The following RIMS2 variants were observed in gnomAD, a reference collection of about 807,000 sequenced individuals.
RIMS2 encodes the protein regulating synaptic membrane exocytosis protein 2.
RIMS2 carries 59 observed loss-of-function variants against 174.4 expected under a neutral mutation model. The observed-to-expected ratio is 0.34, with a 90% CI of 0.27 to 0.42. The LOEUF (loss-of-function observed/expected upper bound fraction) is 0.42, where lower values mean the gene tolerates loss of function less well. Ranked by LOEUF, RIMS2 falls within the 10% of genes least tolerant of loss-of-function variation. The probability of loss-of-function intolerance (pLI) is 1.00; values close to 1 mark genes in which losing one functional copy is unlikely to be tolerated. For synonymous variants in RIMS2, 606 were observed against 572.5 expected (o/e 1.06, Z -0.84); for missense variants, 1,620 against 1,666.3 (o/e 0.97, Z 0.48).
intron 15 of RIMS2, among the ~76,000 whole-genome samples, chr8:103,962,446 A>C (rs1225957893): frequency 6.6e-6 from 1 of 152,122 alleles, no homozygotes; most frequent in Non-Finnish European, 1.5e-5. Flanking sequence ...ATTCTTTCCT[A>C]TCTGGACATT....
At chr8:103,662,894 G>A (rs1020089038) in intron 1 of RIMS2, among the ~76,000 whole-genome samples, 6 of 152,164 alleles carry the variant, frequency 3.9e-5, no homozygotes, top group Non-Finnish European at 7.3e-5. Context: ...GAGCAGGCCA[G>A]GCACAGTTGC....
intron 2 of RIMS2, among the ~76,000 whole-genome samples, chr8:103,754,451 G>C (rs2097948515): frequency 6.6e-6 from 1 of 152,130 alleles, no homozygotes; most frequent in Admixed American, 6.5e-5. Flanking sequence ...AAGTCCGCTT[G>C]GTGCAGAGCT....
At chr8:103,750,950 G>T (rs2097881481) in intron 2 of RIMS2, among the ~76,000 whole-genome samples, 1 of 152,118 alleles carries the variant, frequency 6.6e-6, no homozygotes, top group African/African-American at 2.4e-5. Context: ...ATTGAATCAT[G>T]GGGGCAGGTC....
At chr8:103,516,536 A>G (rs1486066447) in intron 1 of RIMS2, among the ~76,000 whole-genome samples, 3 of 152,148 alleles carry the variant, frequency 2.0e-5, no homozygotes, top group Non-Finnish European at 4.4e-5. Context: ...TAAGAAAGAA[A>G]TAAAGAGGGC....
chr8:104,036,570 G>A (rs867355710), intron 19 of RIMS2, among the ~76,000 whole-genome samples: 1 of 152,002 alleles, frequency 6.6e-6, no homozygotes, highest in Non-Finnish European at 1.5e-5. Context: ...CTCAAAATAG[G>A]AAGGCATTTA....
chr8:104,216,173 G>C (rs1298550896), intron 19 of RIMS2, among the ~76,000 whole-genome samples: 1 of 152,308 alleles, frequency 6.6e-6, no homozygotes, highest in East Asian at 1.9e-4. Flanking sequence ...CATTCAGTGA[G>C]AGTTTTAGAT....
At chr8:103,795,232 C>T (rs548846731) in intron 3 of RIMS2, among the ~76,000 whole-genome samples, 24 of 152,304 alleles carry the variant, frequency 1.6e-4, no homozygotes, top group Admixed American at 7.2e-4. Flanking sequence ...GGCACATATA[C>T]ACCTTGTAAT....
At chr8:104,223,401 A>T in intron 19 of RIMS2, 1 of 1,264,790 alleles carries the variant, frequency 7.9e-7, no homozygotes, top group Non-Finnish European at 9.9e-7. Flanking sequence ...GTTCACTGCG[A>T]GCAGCCGCTC....
chr8:103,968,739 A>T (rs2092470189), intron 15 of RIMS2, among the ~76,000 whole-genome samples: 1 of 152,110 alleles, frequency 6.6e-6, no homozygotes, highest in African/African-American at 2.4e-5. Flanking sequence ...TATCTGTTAG[A>T]TAAATTAAGA....
chr8:103,798,584 A>G (rs1291531018), intron 3 of RIMS2, among the ~76,000 whole-genome samples: 1 of 152,192 alleles, frequency 6.6e-6, no homozygotes, highest in African/African-American at 2.4e-5. Flanking sequence ...CCACTTAAAT[A>G]TATATCTTTG....
At chr8:103,513,246 T>C (rs957528809) in intron 1 of RIMS2, among the ~76,000 whole-genome samples, 8 of 152,088 alleles carry the variant, frequency 5.3e-5, no homozygotes, top group Non-Finnish European at 1.0e-4. Flanking sequence ...CCATTTATGG[T>C]TAGTCTTGGA....
chr8:104,069,602 G>A (rs758000278), intron 19 of RIMS2, among the ~76,000 whole-genome samples: 10 of 150,536 alleles, frequency 6.6e-5, no homozygotes, highest in Non-Finnish European at 1.2e-4. Context: ...CCAAGTACCT[G>A]GGGCTACAGA....
intron 3 of RIMS2, among the ~76,000 whole-genome samples, chr8:103,783,795 G>T (rs1342818606): frequency 6.7e-6 from 1 of 150,324 alleles, no homozygotes; most frequent in African/African-American, 2.4e-5. Flanking sequence ...TAATGGGATG[G>T]CTGGGTCAAA....
intron 1 of RIMS2, among the ~76,000 whole-genome samples, chr8:103,589,462 C>G (rs1402007414): frequency 6.6e-6 from 1 of 151,588 alleles, no homozygotes; most frequent in East Asian, 1.9e-4. Flanking sequence ...AAAAGGGAAC[C>G]CTTGTACACT....
chr8:104,119,688 T>G (rs1239618953), intron 19 of RIMS2, among the ~76,000 whole-genome samples: 1 of 152,204 alleles, frequency 6.6e-6, no homozygotes, highest in East Asian at 1.9e-4. Flanking sequence ...TCTTTAGTAG[T>G]GTATTGTCAA....
intron 1 of RIMS2, among the ~76,000 whole-genome samples, chr8:103,586,377 A>G (rs550498842): frequency 2.0e-5 from 3 of 152,324 alleles, no homozygotes; most frequent in Middle Eastern, 3.4e-3. Context: ...CATTCAAAAC[A>G]TTGAAATCAT....
At chr8:103,776,010 C>T (rs886263615) in intron 3 of RIMS2, among the ~76,000 whole-genome samples, 1 of 152,110 alleles carries the variant, frequency 6.6e-6, no homozygotes, top group African/African-American at 2.4e-5. Flanking sequence ...CACATGCTGT[C>T]CCAGCATTCT....
At chr8:103,868,104 A>G (rs1205968187) in intron 3 of RIMS2, among the ~76,000 whole-genome samples, 1 of 152,056 alleles carries the variant, frequency 6.6e-6, no homozygotes, top group African/African-American at 2.4e-5. Context: ...GATAATTTTC[A>G]ACAGCTGGGA....
chr8:103,831,429 G>A (rs1339902665), intron 3 of RIMS2, among the ~76,000 whole-genome samples: 2 of 152,126 alleles, frequency 1.3e-5, no homozygotes, highest in Non-Finnish European at 2.9e-5. Context: ...GTCTCAGAGT[G>A]ACTCGAGGTC....
Sources: gnomAD v4.1 joint callset for allele counts (sites outside exome capture counted in the v4.1 genomes callset) on GRCh38, gnomAD v4.1.1 for gene constraint, MANE v1.5 for transcripts, NCBI Gene and HGNC (gene_info 2026-07-23, HGNC 2026-07-21) for gene names.